SPATA16: variants seen among roughly 807,000 people sequenced by gnomAD.
The protein encoded by SPATA16 is spermatogenesis-associated protein 16.
A neutral mutation model predicts 63.3 loss-of-function variants in SPATA16; 36 were observed. The ratio of observed to expected loss-of-function variants is 0.57; its 90% CI spans 0.44 to 0.75. SPATA16 has a LOEUF of 0.75. Ranked by LOEUF, SPATA16 falls within the 30% of genes least tolerant of loss-of-function variation. SPATA16 has a pLI of 0.00. For synonymous variants in SPATA16, 203 were observed against 216.7 expected, an observed-to-expected ratio of 0.94 and a Z score of 0.56; for missense variants, 646 against 679.3, an observed-to-expected ratio of 0.95 and a Z score of 0.54.
chr3:173,127,405 C>A (rs925012331), intron 1 of SPATA16, among the ~76,000 whole-genome samples: 8 of 152,118 alleles, frequency 5.3e-5, no homozygotes, highest in Admixed American at 3.3e-4. Context: ...AGTCCCTATC[C>A]CTATTTTGCC....
intron 5 of SPATA16, among the ~76,000 whole-genome samples, chr3:172,967,005 CA>C (rs1733932824): frequency 6.6e-6 from 1 of 152,116 alleles, no homozygotes; most frequent in Non-Finnish European, 1.5e-5. Flanking sequence ...TTTTCAGATG[CA>C]AACAAACACA....
intron 6 of SPATA16, among the ~76,000 whole-genome samples, chr3:172,930,007 C>T (rs1479882025): frequency 6.6e-6 from 1 of 152,140 alleles, no homozygotes; most frequent in Non-Finnish European, 1.5e-5. Context: ...TAGTGAGTCT[C>T]TCAAAAGCTA....
intron 4 of SPATA16, among the ~76,000 whole-genome samples, chr3:173,002,214 G>A (rs949709046): frequency 6.6e-6 from 1 of 152,080 alleles, no homozygotes; most frequent in African/African-American, 2.4e-5. Flanking sequence ...ATATAGGGTA[G>A]GGTTATATAA....
At chr3:172,942,041 A>C (rs929742423) in intron 6 of SPATA16, among the ~76,000 whole-genome samples, 15 of 152,094 alleles carry the variant, frequency 9.9e-5, no homozygotes, top group African/African-American at 3.6e-4. Flanking sequence ...GCAGGTTAGG[A>C]GGGGGGAAAA....
At position 173,043,575 on chromosome 3, in the gene SPATA16, C is replaced by T. The variant is rs538860936; in HGVS notation, c.758+5374G>A. Among the ~76,000 whole-genome samples the T allele has an allele frequency of 5.3e-5, 8 of 152,002 alleles. No homozygotes were observed. The East Asian group carries it at 9.7e-4, about 18-fold the overall frequency. On this transcript the variant is annotated intron_variant, in intron 3 of 10. Coordinates refer to ENST00000351008, the MANE Select transcript of SPATA16 (RefSeq NM_031955.6). ...TTAAGGACATTTTGAAAAGAAAATACAGTCTTTTATATTTACCATTTATCA... is the reference window on the plus strand; with the variant it reads ...TTAAGGACATTTTGAAAAGAAAATATAGTCTTTTATATTTACCATTTATCA...
chr3:172,899,589 CT>C (rs1451079703), intron 10 of SPATA16, among the ~76,000 whole-genome samples: 1 of 152,084 alleles, frequency 6.6e-6, no homozygotes, highest in Non-Finnish European at 1.5e-5. Context: ...TTGCCAATCT[CT>C]GTCTTTTAAT....
intron 10 of SPATA16, among the ~76,000 whole-genome samples, chr3:172,899,209 A>G (rs574921808): frequency 6.6e-6 from 1 of 152,090 alleles, no homozygotes; most frequent in East Asian, 1.9e-4. Flanking sequence ...TGTTCTGTCA[A>G]TTGTTGAGAA....
At chr3:172,983,772 C>T (rs1302444440) in intron 4 of SPATA16, among the ~76,000 whole-genome samples, 1 of 152,050 alleles carries the variant, frequency 6.6e-6, no homozygotes, top group East Asian at 1.9e-4. Flanking sequence ...CACACACACA[C>T]ACAAAGCATC....
intron 3 of SPATA16, among the ~76,000 whole-genome samples, chr3:173,039,563 T>C (rs904807606): frequency 9.9e-5 from 15 of 152,136 alleles, no homozygotes; most frequent in Admixed American, 9.2e-4. Flanking sequence ...TGTTTCCTCA[T>C]TTATAAACTA....
At chr3:172,965,770 G>A (rs1455629843) in intron 5 of SPATA16, among the ~76,000 whole-genome samples, 1 of 152,020 alleles carries the variant, frequency 6.6e-6, no homozygotes, top group Non-Finnish European at 1.5e-5. Flanking sequence ...TAGAGATGGG[G>A]TTTCACCATG....
chr3:173,078,809 G>A (rs1224313341), intron 2 of SPATA16, among the ~76,000 whole-genome samples: 1 of 152,078 alleles, frequency 6.6e-6, no homozygotes, highest in Non-Finnish European at 1.5e-5. Flanking sequence ...TGATGCCACG[G>A]CACTTTCTGA....
chr3:173,010,163 C>T (rs1265357984), intron 4 of SPATA16, among the ~76,000 whole-genome samples: 2 of 152,238 alleles, frequency 1.3e-5, no homozygotes, highest in African/African-American at 4.8e-5. Flanking sequence ...TCTTCTGCCT[C>T]ACCTGAGCAC....
intron 4 of SPATA16, among the ~76,000 whole-genome samples, chr3:173,014,988 T>G (rs79339889): frequency 0.017 from 2,577 of 152,306 alleles, 70 homozygotes; most frequent in African/African-American, 0.058. Flanking sequence ...CATTTGAATG[T>G]GTTATTCCTG....
At chr3:173,118,667 A>G (rs765732992) in intron 1 of SPATA16, among the ~76,000 whole-genome samples, 6 of 152,192 alleles carry the variant, frequency 3.9e-5, no homozygotes, top group Non-Finnish European at 5.9e-5. Flanking sequence ...CACATTTTGC[A>G]AAGAAACTAA....
chr3:173,128,269 T>C (rs1052224754), intron 1 of SPATA16, among the ~76,000 whole-genome samples: 1 of 152,222 alleles, frequency 6.6e-6, no homozygotes, highest in Non-Finnish European at 1.5e-5. Context: ...TGGCATAAAG[T>C]AGGCAGAATA....
At chr3:172,967,654 C>G (rs1423987331) in intron 5 of SPATA16, among the ~76,000 whole-genome samples, 1 of 152,184 alleles carries the variant, frequency 6.6e-6, no homozygotes, top group Admixed American at 6.5e-5. Flanking sequence ...CAGTTGCTCC[C>G]CATTGCTGGC....
intron 10 of SPATA16, among the ~76,000 whole-genome samples, chr3:172,894,863 C>A (rs1397385242): frequency 2.6e-5 from 4 of 152,176 alleles, no homozygotes; most frequent in African/African-American, 9.7e-5. Context: ...CTTCAGTGGA[C>A]ACTGAGTCTG....
At chr3:172,896,501 G>A (rs1403530222) in intron 10 of SPATA16, among the ~76,000 whole-genome samples, 2 of 152,172 alleles carry the variant, frequency 1.3e-5, no homozygotes, top group South Asian at 2.1e-4. Context: ...GATTACAGGC[G>A]TGAGCCACCG....
chr3:173,039,573 A>G (rs1206353017), intron 3 of SPATA16, among the ~76,000 whole-genome samples: 1 of 152,142 alleles, frequency 6.6e-6, no homozygotes, highest in African/African-American at 2.4e-5. Flanking sequence ...TTTATAAACT[A>G]TTTTCATATT....
Sources: gnomAD v4.1 joint callset for allele counts (sites outside exome capture counted in the v4.1 genomes callset) on GRCh38, gnomAD v4.1.1 for gene constraint, MANE v1.5 for transcripts, NCBI Gene and HGNC (gene_info 2026-07-23, HGNC 2026-07-21) for gene names.